PDE3A: variants seen among roughly 807,000 people sequenced by gnomAD.
The protein encoded by PDE3A is cGMP-inhibited 3',5'-cyclic phosphodiesterase 3A.
Under a neutral mutation model 98.3 loss-of-function variants are expected in PDE3A, and 43 were observed. The observed-to-expected ratio is 0.44, with a 90% CI of 0.34 to 0.56. The LOEUF is 0.56. Ranked by LOEUF, PDE3A falls within the 20% of genes least tolerant of loss-of-function variation. The pLI, the probability that PDE3A is intolerant of heterozygous loss-of-function variation, is 0.01. For synonymous variants in PDE3A, 663 were observed against 567.9 expected (o/e 1.17, Z -2.38); for missense variants, 1,427 against 1,440.7 (o/e 0.99, Z 0.15).
At chr12:20,543,971 A>C (rs1041073698) in intron 1 of PDE3A, among the ~76,000 whole-genome samples, 1 of 151,892 alleles carries the variant, frequency 6.6e-6, no homozygotes, top group Non-Finnish European at 1.5e-5. Flanking sequence ...GTCAAGATCA[A>C]GTATCTGGTA....
intron 1 of PDE3A, among the ~76,000 whole-genome samples, chr12:20,414,179 C>T (rs143626188): frequency 1.1e-3 from 166 of 152,148 alleles, no homozygotes; most frequent in Middle Eastern, 6.8e-3. Context: ...GATTATATGC[C>T]TATAGGATAC....
intron 15 of PDE3A, among the ~76,000 whole-genome samples, chr12:20,656,256 C>T (rs886289433): frequency 2.0e-5 from 3 of 152,180 alleles, no homozygotes; most frequent in African/African-American, 7.2e-5. Flanking sequence ...GGATAATGCA[C>T]AACTTGGTTC....
At chr12:20,485,184 C>G (rs1167034393) in intron 1 of PDE3A, among the ~76,000 whole-genome samples, 1 of 152,168 alleles carries the variant, frequency 6.6e-6, no homozygotes, top group Non-Finnish European at 1.5e-5. Flanking sequence ...TTGGTTCTTT[C>G]TGAGGGCTGC....
chr12:20,654,254 T>C (rs760486604), intron 15 of PDE3A, 49 bp downstream of exon 15: 1 of 1,557,216 alleles, frequency 6.4e-7, no homozygotes, highest in Non-Finnish European at 8.8e-7. Context: ...GATTGCTTTC[T>C]TACTTTAGAT....
chr12:20,387,910 A>G (rs1185490023), intron 1 of PDE3A, among the ~76,000 whole-genome samples: 1 of 152,070 alleles, frequency 6.6e-6, no homozygotes, highest in Admixed American at 6.6e-5. Context: ...AATTCACAGC[A>G]GAAAGGAAAC....
chr12:20,587,346 G>A (rs1458711407), intron 2 of PDE3A, among the ~76,000 whole-genome samples: 1 of 152,058 alleles, frequency 6.6e-6, no homozygotes, highest in Non-Finnish European at 1.5e-5. Context: ...TCCAGCCTGG[G>A]CGACAGAGCA....
At chr12:20,660,428 T>C (rs1340156939) in intron 15 of PDE3A, among the ~76,000 whole-genome samples, 1 of 151,994 alleles carries the variant, frequency 6.6e-6, no homozygotes, top group Non-Finnish European at 1.5e-5. Flanking sequence ...CAGGCAGAGA[T>C]TGGAACAGTT....
chr12:20,448,537 A>G (rs1945001164), intron 1 of PDE3A, among the ~76,000 whole-genome samples: 1 of 152,154 alleles, frequency 6.6e-6, no homozygotes, highest in Admixed American at 6.5e-5. Context: ...TGAATAAAGT[A>G]CTCCAAAGTA....
chr12:20,627,525 G>A (rs1302002976), intron 5 of PDE3A, among the ~76,000 whole-genome samples: 1 of 151,780 alleles, frequency 6.6e-6, no homozygotes, highest in African/African-American at 2.4e-5. Flanking sequence ...TTCTCTAAAT[G>A]TCTTCTGTAT....
intron 1 of PDE3A, among the ~76,000 whole-genome samples, chr12:20,471,344 G>T (rs1241093119): frequency 6.6e-6 from 1 of 152,124 alleles, no homozygotes; most frequent in Non-Finnish European, 1.5e-5. Flanking sequence ...GGCCCCATCC[G>T]TGATCAATTA....
chr12:20,672,270 G>T (rs1411098931), intron 15 of PDE3A, among the ~76,000 whole-genome samples: 1 of 146,762 alleles, frequency 6.8e-6, no homozygotes, highest in Non-Finnish European at 1.5e-5. Flanking sequence ...TGGCCATACT[G>T]CCCAAGGTAA....
chr12:20,621,156 T>C (rs1944125705), intron 4 of PDE3A, 140 bp from the exon 5 acceptor site: 1 of 616,098 alleles, frequency 1.6e-6, no homozygotes, highest in South Asian at 1.9e-5. Flanking sequence ...AGTACAGTGG[T>C]TCTGTCACTG....
intron 15 of PDE3A, among the ~76,000 whole-genome samples, chr12:20,673,877 A>C (rs183013447): frequency 7.2e-5 from 11 of 152,146 alleles, no homozygotes; most frequent in African/African-American, 2.2e-4. Flanking sequence ...AATAAAAATA[A>C]AAATAAAGAT....
At chr12:20,479,780 C>T (rs2121000217) in intron 1 of PDE3A, among the ~76,000 whole-genome samples, 1 of 152,268 alleles carries the variant, frequency 6.6e-6, no homozygotes, top group South Asian at 2.1e-4. Flanking sequence ...TCACTCATTG[C>T]TCGAAATCTT....
intron 1 of PDE3A, 56 bp downstream of exon 1, chr12:20,370,300 G>C (rs765469223): frequency 2.7e-4 from 391 of 1,449,472 alleles, no homozygotes; most frequent in Non-Finnish European, 3.4e-4. Flanking sequence ...CTTGGCAACC[G>C]GCGCAGAGTG....
intron 1 of PDE3A, among the ~76,000 whole-genome samples, chr12:20,380,204 T>G (rs1342439462): frequency 6.6e-6 from 1 of 151,948 alleles, no homozygotes; most frequent in African/African-American, 2.4e-5. Flanking sequence ...AAATGTTATC[T>G]CCTTAGCTTT....
At chr12:20,678,480 C>CT (rs890727579) in intron 15 of PDE3A, among the ~76,000 whole-genome samples, 12 of 151,922 alleles carry the variant, frequency 7.9e-5, no homozygotes, top group South Asian at 2.1e-4. Context: ...AAGGTAGAAC[C>CT]TTTTTTTTGT....
intron 1 of PDE3A, among the ~76,000 whole-genome samples, chr12:20,428,397 A>G (rs1944637227): frequency 6.6e-6 from 1 of 152,098 alleles, no homozygotes; most frequent in African/African-American, 2.4e-5. Flanking sequence ...CTCCTGCCTC[A>G]GCCTCCCAAG....
intron 10 of PDE3A, 117 bp downstream of exon 10, chr12:20,640,074 A>G (rs1944611062): frequency 1.7e-6 from 1 of 573,782 alleles, no homozygotes; most frequent in East Asian, 3.0e-5. Context: ...GACGCTCAAT[A>G]TGGAGACATC....
Sources: gnomAD v4.1 joint callset for allele counts (sites outside exome capture counted in the v4.1 genomes callset) on GRCh38, gnomAD v4.1.1 for gene constraint, MANE v1.5 for transcripts, NCBI Gene and HGNC (gene_info 2026-07-23, HGNC 2026-07-21) for gene names.